The following ESR1 variants were observed in gnomAD, a reference collection of about 807,000 sequenced individuals.
ESR1 encodes the protein estrogen receptor.
In ESR1, 12 loss-of-function variants were observed where a neutral mutation model predicts 52.7. The observed-to-expected ratio is 0.23, with a 90% CI of 0.15 to 0.37. ESR1 has a LOEUF of 0.37. ESR1 is among the 10% of genes least tolerant of loss of function. ESR1 has a pLI of 1.00. For synonymous variants in ESR1, 305 were observed against 316.8 expected, an observed-to-expected ratio of 0.96 and a Z score of 0.39; for missense variants, 584 against 779.7, an observed-to-expected ratio of 0.75 and a Z score of 2.99.
chr6:151,949,692 C>T (rs999316346), intron 4 of ESR1, among the ~76,000 whole-genome samples: 1 of 152,224 alleles, frequency 6.6e-6, no homozygotes, highest in African/African-American at 2.4e-5. Context: ...TCCAAGTCAC[C>T]CCACCCAGCT....
chr6:152,041,274 G>A (rs1448735862), intron 5 of ESR1, among the ~76,000 whole-genome samples: 1 of 152,132 alleles, frequency 6.6e-6, no homozygotes, highest in East Asian at 1.9e-4. Flanking sequence ...TGGCCCAAGT[G>A]GCAGAGCAGC....
chr6:151,977,232 A>T (rs1562621779), intron 4 of ESR1, among the ~76,000 whole-genome samples: 1 of 152,098 alleles, frequency 6.6e-6, no homozygotes, highest in East Asian at 1.9e-4. Context: ...AAAGATTCCC[A>T]CAGAAATCCG....
intron 5 of ESR1, among the ~76,000 whole-genome samples, chr6:152,014,620 C>G (rs2043028866): frequency 6.6e-6 from 1 of 152,096 alleles, no homozygotes; most frequent in Non-Finnish European, 1.5e-5. Flanking sequence ...TCTCCCTCAC[C>G]AAATTATCCA....
chr6:151,775,169 A>C (rs1027065216), intron 2 of ESR1, among the ~76,000 whole-genome samples: 1 of 152,242 alleles, frequency 6.6e-6, no homozygotes, highest in Admixed American at 6.5e-5. Flanking sequence ...TCCCGTGGAG[A>C]GGAAGTACCC....
At chr6:151,876,081 C>T (rs545655806) in intron 2 of ESR1, among the ~76,000 whole-genome samples, 1 of 152,048 alleles carries the variant, frequency 6.6e-6, no homozygotes, top group African/African-American at 2.4e-5. Flanking sequence ...AAATTGGTTT[C>T]GCTTTGAAAA....
intron 1 of ESR1, among the ~76,000 whole-genome samples, chr6:151,832,733 G>C (rs1782645098): frequency 6.6e-6 from 1 of 152,092 alleles, no homozygotes; most frequent in Non-Finnish European, 1.5e-5. Context: ...GCGATTCCAG[G>C]TGCTTTATGT....
intron 2 of ESR1, among the ~76,000 whole-genome samples, chr6:151,765,011 T>C (rs1245861435): frequency 6.6e-6 from 1 of 152,234 alleles, no homozygotes; most frequent in Non-Finnish European, 1.5e-5. Context: ...TAAACTTTTC[T>C]AGTAATCACA....
At chr6:151,992,487 C>G (rs2041119859) in intron 4 of ESR1, among the ~76,000 whole-genome samples, 1 of 152,112 alleles carries the variant, frequency 6.6e-6, no homozygotes, top group African/African-American at 2.4e-5. Flanking sequence ...GTTTTTATAT[C>G]TCTCTATCTT....
chr6:152,105,591 A>G (rs2051055217), downstream of ESR1, among the ~76,000 whole-genome samples: 1 of 150,868 alleles, frequency 6.6e-6, no homozygotes, highest in Non-Finnish European at 1.5e-5. Context: ...ACACCTGGTT[A>G]ATTTTTATAT....
intron 2 of ESR1, among the ~76,000 whole-genome samples, chr6:151,775,050 A>G (rs567070489): frequency 6.6e-6 from 1 of 152,306 alleles, no homozygotes; most frequent in African/African-American, 2.4e-5. Flanking sequence ...GGAAAGATCA[A>G]ACTTCGAAAT....
At chr6:151,801,993 G>A (rs1236017162), upstream of ESR1, among the ~76,000 whole-genome samples, 1 of 152,230 alleles carries the variant, frequency 6.6e-6, no homozygotes, top group Non-Finnish European at 1.5e-5. Flanking sequence ...TGGTTGCCTA[G>A]AGGGGTTGGG....
intron 2 of ESR1, among the ~76,000 whole-genome samples, chr6:151,746,179 G>T (rs1285555385): frequency 1.3e-5 from 2 of 152,174 alleles, no homozygotes; most frequent in Non-Finnish European, 2.9e-5. Context: ...GAACACAGGT[G>T]TGCAAATCTC....
At chr6:152,035,532 C>T (rs565606622) in intron 5 of ESR1, among the ~76,000 whole-genome samples, 8 of 152,026 alleles carry the variant, frequency 5.3e-5, no homozygotes, top group East Asian at 1.9e-4. Flanking sequence ...AAATTCAGTG[C>T]GTGTCCAATC....
At chr6:151,966,286 C>G (rs2038266447) in intron 4 of ESR1, among the ~76,000 whole-genome samples, 1 of 152,156 alleles carries the variant, frequency 6.6e-6, no homozygotes. Flanking sequence ...TTTCATATCA[C>G]TTGGCATTTT....
intron 2 of ESR1, among the ~76,000 whole-genome samples, chr6:151,786,509 C>T (rs543100094): frequency 2.0e-5 from 3 of 152,266 alleles, no homozygotes; most frequent in African/African-American, 7.2e-5. Flanking sequence ...GCCATTTTCT[C>T]CCGATTTCAC....
chr6:151,868,857 G>T (rs1252868568), intron 2 of ESR1, among the ~76,000 whole-genome samples: 3 of 152,074 alleles, frequency 2.0e-5, no homozygotes, highest in Non-Finnish European at 4.4e-5. Context: ...AAGTTAATTT[G>T]GGGGGACTCC....
intron 6 of ESR1, chr6:152,122,640 C>T (rs2051679304): frequency 1.2e-6 from 2 of 1,614,074 alleles, no homozygotes; most frequent in Non-Finnish European, 1.7e-6. Context: ...CTGGCCCTGG[C>T]TCAGAAAGGG....
intron 2 of ESR1, among the ~76,000 whole-genome samples, chr6:151,726,593 C>G (rs933014263): frequency 6.6e-6 from 1 of 152,214 alleles, no homozygotes. Flanking sequence ...GCCTCGGCCT[C>G]CCAAAGTGCT....
At chr6:151,683,987 C>T (rs1778557371) in intron 1 of ESR1, among the ~76,000 whole-genome samples, 2 of 151,138 alleles carry the variant, frequency 1.3e-5, no homozygotes, top group African/African-American at 4.9e-5. Context: ...GCTGGGATTA[C>T]AGGCGTGAGC....
Sources: allele counts gnomAD v4.1 joint callset (sites outside exome capture counted in the v4.1 genomes callset), GRCh38; gene constraint gnomAD v4.1.1; transcripts MANE v1.5; gene names NCBI Gene and HGNC (gene_info 2026-07-23, HGNC 2026-07-21).